The following THEM4 variants were observed in gnomAD, a reference collection of about 807,000 sequenced individuals.
The protein encoded by THEM4 is acyl-coenzyme A thioesterase THEM4.
THEM4 carries 22 observed loss-of-function variants against 25.0 expected under a neutral mutation model. That is an observed-to-expected ratio of 0.88 (90% confidence interval 0.63 to 1.26). The LOEUF is 1.26. Ranked by LOEUF, THEM4 falls within the 50% of genes most tolerant of loss-of-function variation. THEM4 has a pLI of 0.00. For missense variants in THEM4, 286 were observed against 300.3 expected, an observed-to-expected ratio of 0.95 and a Z score of 0.35; for synonymous variants, 113 against 105.6, an observed-to-expected ratio of 1.07 and a Z score of -0.43.
chr1:151,908,254 G>C (rs1654516490), intron 1 of THEM4, among the ~76,000 whole-genome samples: 1 of 152,228 alleles, frequency 6.6e-6, no homozygotes, highest in Admixed American at 6.5e-5. Flanking sequence ...GATTTGTGAG[G>C]TAAGTCGTAA....
intron 4 of THEM4, among the ~76,000 whole-genome samples, chr1:151,879,323 CA>C (rs1283868497): frequency 6.6e-6 from 1 of 151,446 alleles, no homozygotes; most frequent in Non-Finnish European, 1.5e-5. Context: ...TTAGGTAAAC[CA>C]AAAAAGCCTA....
chr1:151,907,164 C>T (rs1476022279), intron 1 of THEM4, among the ~76,000 whole-genome samples: 1 of 152,112 alleles, frequency 6.6e-6, no homozygotes, highest in Non-Finnish European at 1.5e-5. Context: ...TCCAGACGTG[C>T]TGCCTTAAGA....
Position 151,889,316 on chromosome 1 carries a change from A to C in THEM4, c.344T>G (p.Phe115Cys). 1 of 1,614,086 alleles carries C rather than the reference A, an allele frequency of 6.2e-7. No individual in the cohort carries two copies. Among genetic ancestry groups the C allele is most frequent in the Non-Finnish European group, 8.5e-7 (1 of 1,179,956 alleles). The change falls in exon 3 of 6, where the codon TTT (phenylalanine) becomes TGT (cysteine). Residue 115 changes from phenylalanine to cysteine, a missense_variant. Transcript: ENST00000368814. ...GTATTCAAAGCCCAGGCCATCATCAAAGCTTCTGGTGAAGAGCTGGGCCTG... is the reference window on the plus strand; with the variant it reads ...GTATTCAAAGCCCAGGCCATCATCACAGCTTCTGGTGAAGAGCTGGGCCTG... The part of the protein sequence containing the change: ...MSQAQLFTRS[F>C]DDGLGFEYVM...
chr1:151,908,371 C>G (rs1229020705), intron 1 of THEM4, among the ~76,000 whole-genome samples: 1 of 152,190 alleles, frequency 6.6e-6, no homozygotes, highest in African/African-American at 2.4e-5. Flanking sequence ...GCCTGTAACC[C>G]CATTGCATAG....
chr1:151,888,613 TA>T (rs1654020161), intron 3 of THEM4, among the ~76,000 whole-genome samples: 1 of 152,214 alleles, frequency 6.6e-6, no homozygotes, highest in Non-Finnish European at 1.5e-5. Flanking sequence ...AACTTAATAG[TA>T]ACCAGATCGC....
At chr1:151,880,065 C>G (rs1458644350) in intron 4 of THEM4, among the ~76,000 whole-genome samples, 1 of 151,976 alleles carries the variant, frequency 6.6e-6, no homozygotes, top group Non-Finnish European at 1.5e-5. Flanking sequence ...TAGTGCATTG[C>G]AGCCTTGAAC....
At chr1:151,888,113 T>G (rs1654010589) in intron 4 of THEM4, among the ~76,000 whole-genome samples, 160 bp downstream of exon 4, 2 of 152,228 alleles carry the variant, frequency 1.3e-5, no homozygotes, top group South Asian at 2.1e-4. Context: ...GGTTGACACT[T>G]CTTCATCTTC....
At chr1:151,880,382 A>G (rs953397298) in intron 4 of THEM4, among the ~76,000 whole-genome samples, 2 of 151,876 alleles carry the variant, frequency 1.3e-5, no homozygotes, top group African/African-American at 4.8e-5. Flanking sequence ...GGAGGCTGAG[A>G]CAGGAGAATT....
intron 4 of THEM4, among the ~76,000 whole-genome samples, chr1:151,881,598 A>G (rs1172897845): frequency 2.0e-5 from 3 of 152,110 alleles, no homozygotes; most frequent in East Asian, 3.8e-4. Context: ...ATGATTTTAG[A>G]TCGACATTTT....
chr1:151,886,377 C>G (rs79682750), intron 4 of THEM4, among the ~76,000 whole-genome samples: 1 of 152,156 alleles, frequency 6.6e-6, no homozygotes, highest in East Asian at 1.9e-4. Flanking sequence ...TTGAGATAAA[C>G]AGCAATCTAA....
chr1:151,882,670 T>C (rs1172001426), intron 4 of THEM4, among the ~76,000 whole-genome samples: 1 of 152,216 alleles, frequency 6.6e-6, no homozygotes, highest in African/African-American at 2.4e-5. Flanking sequence ...ATTTATGGGA[T>C]ATATCTCAAC....
intron 1 of THEM4, among the ~76,000 whole-genome samples, chr1:151,908,641 G>A (rs2101735401): frequency 6.6e-6 from 1 of 152,320 alleles, no homozygotes; most frequent in African/African-American, 2.4e-5. Context: ...AGATATCTAA[G>A]TTGTAATTAT....
intron 1 of THEM4, 86 bp from the exon 2 acceptor site, chr1:151,895,280 G>C: frequency 8.4e-7 from 1 of 1,187,290 alleles, no homozygotes; most frequent in Non-Finnish European, 1.2e-6. Flanking sequence ...AGATTATCTT[G>C]CTGCTTTTCT....
chr1:151,900,415 A>G (rs946079660), intron 1 of THEM4, among the ~76,000 whole-genome samples: 1 of 152,184 alleles, frequency 6.6e-6, no homozygotes, highest in Non-Finnish European at 1.5e-5. Flanking sequence ...CTCACAAACC[A>G]ACTATATGCT....
At chr1:151,885,087 A>T (rs988779142) in intron 4 of THEM4, among the ~76,000 whole-genome samples, 5 of 498 alleles carry the variant, frequency 0.01, no homozygotes, top group African/African-American at 0.014. Flanking sequence ...TTCATCTTTT[A>T]TTTATTTATT....
Position 151,871,021 on chromosome 1 carries a change from A to C in THEM4, c.*3867T>G, listed in dbSNP as rs1653540241. On this transcript the variant is annotated 3_prime_UTR_variant, in exon 6 of 6. Transcript: ENST00000368814. ...CCTAATATTCATTCAAAATGTTAGC[A>C]CTTGGTATAAAGAAGGAAACAGGTT... Among the ~76,000 whole-genome samples, 1 of 152,214 alleles carries C rather than the reference A, an allele frequency of 6.6e-6. No individual in the cohort carries two copies.
intron 2 of THEM4, among the ~76,000 whole-genome samples, chr1:151,893,880 G>GA (rs1654153160): frequency 6.6e-6 from 1 of 151,656 alleles, no homozygotes; most frequent in Non-Finnish European, 1.5e-5. Context: ...TGTAGGGGGG[G>GA]AGACAGTCTC....
chr1:151,894,868 G>T, intron 2 of THEM4, 140 bp downstream of exon 2: 1 of 931,042 alleles, frequency 1.1e-6, no homozygotes, highest in Non-Finnish European at 1.7e-6. Flanking sequence ...TGTGATTTCT[G>T]GTCTATAAAA....
At chr1:151,908,923 T>G (rs184628192) in intron 1 of THEM4, among the ~76,000 whole-genome samples, 1 of 152,340 alleles carries the variant, frequency 6.6e-6, no homozygotes, top group Non-Finnish European at 1.5e-5. Flanking sequence ...TAAAAAGATC[T>G]CTAATTAATT....
Sources: gnomAD v4.1 joint callset for allele counts (sites outside exome capture counted in the v4.1 genomes callset) on GRCh38, gnomAD v4.1.1 for gene constraint, MANE v1.5 for transcripts, NCBI Gene and HGNC (gene_info 2026-07-23, HGNC 2026-07-21) for gene names.